The following UPB1 variants were observed in gnomAD, a reference collection of about 807,000 sequenced individuals.
The protein encoded by UPB1 is beta-ureidopropionase 1, also known as beta-ureidopropionase.
A neutral mutation model predicts 49.1 loss-of-function variants in UPB1; 40 were observed. The observed-to-expected ratio is 0.81, with a 90% confidence interval of 0.63 to 1.06. UPB1 has a LOEUF of 1.06. Ranked by LOEUF, UPB1 falls within the 50% of genes least tolerant of loss-of-function variation. UPB1 has a pLI of 0.00. For missense variants in UPB1, 499 were observed against 505.9 expected, an observed-to-expected ratio of 0.99 and a Z score of 0.13; for synonymous variants, 207 against 198.2, an observed-to-expected ratio of 1.04 and a Z score of -0.38.
chr22:24,502,833 C>CT (rs532875242), intron 3 of UPB1: 278 of 362,512 alleles, frequency 7.7e-4, no homozygotes, highest in Admixed American at 1.8e-3. Context: ...TTGCCTCCTC[C>CT]TGGCCCTTCG....
chr22:24,515,495 C>T, intron 6 of UPB1, 125 bp downstream of exon 6: 1 of 1,306,694 alleles, frequency 7.7e-7, no homozygotes. Context: ...CAGAGCTGAG[C>T]CCCCAGGATT....
At chr22:24,500,443 T>C (rs2043974605) in intron 2 of UPB1, among the ~76,000 whole-genome samples, 165 bp downstream of exon 2, 1 of 152,272 alleles carries the variant, frequency 6.6e-6, no homozygotes, top group Non-Finnish European at 1.5e-5. Flanking sequence ...CCCTCCAGCC[T>C]GCATCTCTGG....
intron 3 of UPB1, chr22:24,502,452 C>T: frequency 1.3e-6 from 1 of 781,564 alleles, no homozygotes; most frequent in Non-Finnish European, 2.4e-6. Context: ...CTCCATCTCT[C>T]TACCACCACC....
At chr22:24,518,673 C>G (rs1006323725) in intron 6 of UPB1, among the ~76,000 whole-genome samples, 5 of 152,182 alleles carry the variant, frequency 3.3e-5, no homozygotes, top group Non-Finnish European at 7.3e-5. Flanking sequence ...TGTCCTCATT[C>G]ATTTTTGAGT....
Position 24,502,360 on chromosome 22 carries a change from C to T in UPB1, c.364+147C>T, listed in dbSNP as rs200055353. The T allele has an allele frequency of 1.1e-3, 924 of 877,220 alleles. 2 individuals carry two copies. Among genetic ancestry groups the T allele is most frequent in the Non-Finnish European group, 1.6e-3 (829 of 506,344 alleles). 54.3% of individuals were successfully genotyped at this position (877,220 alleles called of 1,614,324 possible). A position where few individuals can be genotyped will look rare whatever the true frequency, so the allele number is the denominator to read the frequency against. On this transcript the variant is annotated intron_variant, in intron 3 of 9. Coordinates refer to ENST00000326010, the MANE Select transcript of UPB1 (RefSeq NM_016327.3). ...AGTTCTCCGTCCACATCACCAGGAA[C>T]CCCGGCCTCCCTGCTGTTACGCACC...
chr22:24,502,688 A>T, intron 3 of UPB1: 1 of 600,186 alleles, frequency 1.7e-6, no homozygotes, highest in South Asian at 2.1e-5. Flanking sequence ...ACCAAAAAAT[A>T]GCTATTATCC....
At chr22:24,496,404 T>TACACACACACACACACACACATAC (rs2043885678) in intron 1 of UPB1, among the ~76,000 whole-genome samples, 4 of 126,984 alleles carry the variant, frequency 3.1e-5, no homozygotes, top group African/African-American at 1.1e-4. Flanking sequence ...CACACACACA[T>TACACACACACACACACACACATAC]ACACACACAC....
At chr22:24,514,030 TGGG>T (rs532270031) in intron 5 of UPB1, among the ~76,000 whole-genome samples, 95 of 152,142 alleles carry the variant, frequency 6.2e-4, no homozygotes, top group Non-Finnish European at 7.9e-4. Flanking sequence ...GGGCATAAGT[TGGG>T]GGGGCCATTT....
At position 24,510,776 on chromosome 22, in the gene UPB1, A is replaced by G; in HGVS notation, c.392A>G (p.Glu131Gly). The change falls in exon 4 of 10, where the codon GAG becomes GGG. Residue 131 changes from glutamate to glycine, a missense_variant. Transcript: ENST00000326010. ...WTMPFAFCTR[E>G]KLPWTEFAES... ...ATGCCCTTTGCCTTCTGTACGAGAG[A>G]GAAGCTTCCTTGGACAGAATTTGCT... The G allele has an allele frequency of 6.2e-7, 1 of 1,614,156 alleles. No individual in the cohort carries two copies. The highest frequency in any genetic ancestry group is 8.5e-7 in the Non-Finnish European group (1 of 1,180,004).
rs1318899941 is a variant in UPB1, at chr22:24,520,401, C to T, written c.806C>T (p.Pro269Leu). ...CTCTCTTACAGCGAGTCCCTGTGGC[C>T]CATCGAGGCCAGAAACGCAGCCATT... is the stretch of plus-strand genomic sequence containing the variant. ...TIGALSESLW[P>L]IEARNAAIAN... The change falls in exon 7 of 10, where the codon CCC becomes CTC. Residue 269 changes from proline to leucine, a missense_variant. Physicochemically the swap from Pro to Leu is moderately conservative, Grantham distance 98. Transcript: ENST00000326010. 1 of 1,614,156 alleles carries T rather than the reference C, an allele frequency of 6.2e-7. No individual in the cohort carries two copies. Among genetic ancestry groups the T allele is most frequent in the Admixed American group, 1.7e-5 (1 of 60,028 alleles).
chr22:24,507,561 G>A (rs1309964154), intron 3 of UPB1, among the ~76,000 whole-genome samples: 1 of 152,124 alleles, frequency 6.6e-6, no homozygotes, highest in Non-Finnish European at 1.5e-5. Context: ...TACTTTTTAG[G>A]CAACTAGAAA....
intron 6 of UPB1, 66 bp from the exon 7 acceptor site, chr22:24,520,321 G>A (rs2044365084): frequency 6.4e-7 from 1 of 1,567,556 alleles, no homozygotes; most frequent in Non-Finnish European, 8.8e-7. Context: ...CCAGGCTCAG[G>A]GCTGAGCATC....
intron 3 of UPB1, among the ~76,000 whole-genome samples, chr22:24,504,398 T>C (rs549280740): frequency 1.3e-5 from 2 of 152,384 alleles, no homozygotes; most frequent in African/African-American, 4.8e-5. Flanking sequence ...TCTAGTTTTT[T>C]GGGCATTGTT....
At chr22:24,510,974 AT>A in intron 4 of UPB1, 131 bp downstream of exon 4, 1 of 927,846 alleles carries the variant, frequency 1.1e-6, no homozygotes, top group Non-Finnish European at 1.7e-6. Flanking sequence ...GCCAGATAAG[AT>A]TAGATAAGAC....
At position 24,520,469 on chromosome 22, in the gene UPB1, G is replaced by GT. The variant is rs777845008; in HGVS notation, c.873+2dup. On this transcript the variant is annotated splice_donor_variant, in intron 7 of 9. Transcript: ENST00000326010. LOFTEE classifies it high-confidence loss of function. ...CTGCGCCATCAATCGAGTGGGCACC[G>GT]TAAGTCCCGAGGTCTGGCTGGGGAG... 171 of 1,613,466 alleles carry GT rather than the reference G, an allele frequency of 1.1e-4. 1 individual carries two copies. Among genetic ancestry groups the GT allele is most frequent in the Admixed American group, 7.3e-4 (44 of 59,944 alleles).
rs1568987811 is a variant in UPB1 at position 24,510,799 on chromosome 22, G to T, written c.415G>T (p.Ala139Ser). The T allele has an allele frequency of 6.2e-7, 1 of 1,614,184 alleles. No homozygotes were observed. The highest frequency in any genetic ancestry group is 2.2e-5 in the East Asian group (1 of 44,888). ...TREKLPWTEF[A>S]ESAEDGPTTR... ...AGAGAAGCTTCCTTGGACAGAATTT[G>T]CTGAGTCAGCAGAGGATGGGCCCAC... The change falls in exon 4 of 10, where the codon GCT (alanine) becomes TCT (serine). Residue 139 changes from alanine (A) to serine (S), a missense_variant. Physicochemically the swap from Ala to Ser is moderately conservative, Grantham distance 99 (BLOSUM62 1). Transcript: ENST00000326010.
intron 1 of UPB1, among the ~76,000 whole-genome samples, chr22:24,495,989 T>C (rs1177688577): frequency 1.3e-5 from 2 of 152,270 alleles, no homozygotes; most frequent in East Asian, 3.9e-4. Flanking sequence ...TGGCAAGCCA[T>C]GGGCGCTGGT....
At chr22:24,520,355 G>A in intron 6 of UPB1, 32 bp from the exon 7 acceptor site, 1 of 1,612,748 alleles carries the variant, frequency 6.2e-7, no homozygotes, top group Non-Finnish European at 8.5e-7. Context: ...TGGAAAGTCG[G>A]CAACCTGGTT....
intron 6 of UPB1, among the ~76,000 whole-genome samples, chr22:24,516,223 A>T (rs937254297): frequency 2.4e-4 from 37 of 152,220 alleles, no homozygotes; most frequent in African/African-American, 8.7e-4. Context: ...ATAACACATA[A>T]CAAGTGTTTC....
Sources: gnomAD v4.1 joint callset for allele counts (sites outside exome capture counted in the v4.1 genomes callset) on GRCh38, gnomAD v4.1.1 for gene constraint, MANE v1.5 for transcripts, NCBI Gene and HGNC (gene_info 2026-07-23, HGNC 2026-07-21) for gene names.